LRRC8D: variants seen among roughly 807,000 people sequenced by gnomAD.
LRRC8D encodes the protein volume-regulated anion channel subunit LRRC8D.
LRRC8D carries 20 observed loss-of-function variants against 55.8 expected under a neutral mutation model. That is an observed-to-expected ratio of 0.36 (90% CI 0.25 to 0.52). LRRC8D has a LOEUF of 0.52. LRRC8D is among the 20% of genes least tolerant of loss of function. The pLI, the probability that LRRC8D is intolerant of heterozygous loss-of-function variation, is 0.93. For missense variants in LRRC8D, 651 were observed against 1,030.8 expected, an observed-to-expected ratio of 0.63 and a Z score of 5.05; for synonymous variants, 352 against 377.0, an observed-to-expected ratio of 0.93 and a Z score of 0.77.
intron 2 of LRRC8D, among the ~76,000 whole-genome samples, chr1:89,882,644 C>T (rs141647209): frequency 3.7e-4 from 56 of 152,304 alleles, no homozygotes; most frequent in African/African-American, 1.3e-3. Flanking sequence ...GTATGTCAAA[C>T]TCCAAGTGTT....
At chr1:89,923,555 C>T (rs942683834) in intron 2 of LRRC8D, among the ~76,000 whole-genome samples, 6 of 151,478 alleles carry the variant, frequency 4.0e-5, no homozygotes, top group Non-Finnish European at 5.9e-5. Context: ...CTACCAGTGT[C>T]ATTTTTCACA....
rs2100746188 is a variant in LRRC8D at position 89,843,785 on chromosome 1, G to A, written c.-3+3G>A. 3.0e-6 allele frequency: 2 copies of A among 677,326 alleles called. No homozygotes were observed. Among genetic ancestry groups the A allele is most frequent in the East Asian group, 5.6e-5 (2 of 35,990 alleles). The allele number at this position is 677,326 out of a possible 1,614,324, so 42.0% of individuals were successfully genotyped here. A position where few individuals can be genotyped will look rare whatever the true frequency, so the allele number is the denominator to read the frequency against. On this transcript the variant is annotated splice_donor_region_variant and intron_variant, in intron 2 of 2. Transcript: ENST00000337338. Reference sequence around the variant, plus strand: ...AACAGGGTGGCCGCTTGGTCCAGGTGCGCGGGGTCGGGTCTGGGTCCAGGG... The same window carrying A: ...AACAGGGTGGCCGCTTGGTCCAGGTACGCGGGGTCGGGTCTGGGTCCAGGG...
rs529019846 is a variant in LRRC8D, at chr1:89,909,030, GTGTGTGTC to G, written c.-2-24021_-2-24014del. Among the ~76,000 whole-genome samples, 879 of 152,246 alleles carry G rather than the reference GTGTGTGTC, an allele frequency of 5.8e-3. 7 individuals are homozygous for G. Among genetic ancestry groups the G allele is most frequent in the Middle Eastern group, 0.02 (6 of 294 alleles). On this transcript the variant is annotated intron_variant, in intron 2 of 2. Coordinates refer to ENST00000337338, the MANE Select transcript of LRRC8D (RefSeq NM_001134479.2). ...AAGGAGTGGGTGTGTTTGCGTGTGT[GTGTGTGTC>G]TGTGTGTCTGTGTGTGTGTCTGAAA...
chr1:89,888,369 G>T (rs1662476883), intron 2 of LRRC8D, among the ~76,000 whole-genome samples: 1 of 152,188 alleles, frequency 6.6e-6, no homozygotes, highest in East Asian at 1.9e-4. Flanking sequence ...GGAATGGAAA[G>T]TTATAGATAA....
chr1:89,839,089 A>G (rs1049945200), intron 1 of LRRC8D, among the ~76,000 whole-genome samples: 3 of 152,180 alleles, frequency 2.0e-5, no homozygotes, highest in Non-Finnish European at 1.5e-5. Flanking sequence ...TTTCTATTCA[A>G]TTAAAAGAAG....
intron 2 of LRRC8D, among the ~76,000 whole-genome samples, chr1:89,847,308 C>T (rs1019115399): frequency 3.3e-5 from 5 of 152,104 alleles, no homozygotes; most frequent in Admixed American, 6.5e-5. Context: ...TTGTAGTGGC[C>T]TATAACTTCC....
chr1:89,854,441 A>G (rs753982549), intron 2 of LRRC8D, among the ~76,000 whole-genome samples: 1 of 152,170 alleles, frequency 6.6e-6, no homozygotes, highest in Non-Finnish European at 1.5e-5. Flanking sequence ...ACCTTTTACA[A>G]TAGAACGCAC....
chr1:89,840,700 T>C (rs1304038586), intron 1 of LRRC8D, among the ~76,000 whole-genome samples: 2 of 152,372 alleles, frequency 1.3e-5, no homozygotes, highest in East Asian at 3.9e-4. Flanking sequence ...AATAGTCTAC[T>C]GTTAACTGTT....
At chr1:89,847,245 A>G (rs749889824) in intron 2 of LRRC8D, among the ~76,000 whole-genome samples, 2 of 152,194 alleles carry the variant, frequency 1.3e-5, no homozygotes, top group Admixed American at 6.6e-5. Flanking sequence ...TTGGAGTACA[A>G]TTTTCATAAG....
intron 2 of LRRC8D, among the ~76,000 whole-genome samples, chr1:89,904,170 C>T (rs1045684681): frequency 6.6e-6 from 1 of 152,202 alleles, no homozygotes. Context: ...AAGGATCGTC[C>T]TCACCCTCTC....
intron 2 of LRRC8D, among the ~76,000 whole-genome samples, chr1:89,896,247 G>T (rs1352357142): frequency 6.6e-6 from 1 of 152,144 alleles, no homozygotes; most frequent in Non-Finnish European, 1.5e-5. Context: ...GTGGATGAAG[G>T]TGGTAAAGGA....
intron 1 of LRRC8D, chr1:89,843,282 GA>G (rs1370409266): frequency 5.6e-6 from 1 of 180,162 alleles, no homozygotes; most frequent in Non-Finnish European, 1.2e-5. Flanking sequence ...AAAGAAGGCC[GA>G]TCACACTGGG....
chr1:89,868,903 TG>T (rs1373868149), intron 2 of LRRC8D, among the ~76,000 whole-genome samples: 1 of 152,104 alleles, frequency 6.6e-6, no homozygotes, highest in African/African-American at 2.4e-5. Flanking sequence ...GTTGTTTTTT[TG>T]TTTTGTTTTG....
At chr1:89,923,713 T>C (rs1167368314) in intron 2 of LRRC8D, among the ~76,000 whole-genome samples, 1 of 152,196 alleles carries the variant, frequency 6.6e-6, no homozygotes, top group Non-Finnish European at 1.5e-5. Flanking sequence ...CAAAACAGCA[T>C]GGTACTGATA....
intron 1 of LRRC8D, among the ~76,000 whole-genome samples, chr1:89,821,581 T>C (rs187079850): frequency 1.3e-5 from 2 of 152,232 alleles, no homozygotes; most frequent in African/African-American, 4.8e-5. Context: ...GGAGTGCGGC[T>C]TCCTGGCTCC....
At chr1:89,833,502 A>G (rs1660933370) in intron 1 of LRRC8D, among the ~76,000 whole-genome samples, 1 of 152,114 alleles carries the variant, frequency 6.6e-6, no homozygotes. Context: ...GCTTTTTGCA[A>G]CCTATTTGGA....
intron 1 of LRRC8D, among the ~76,000 whole-genome samples, chr1:89,828,833 A>G (rs964508068): frequency 6.6e-6 from 1 of 152,134 alleles, no homozygotes; most frequent in Non-Finnish European, 1.5e-5. Flanking sequence ...CACTTCCCCA[A>G]CAATGCATAA....
At chr1:89,864,646 G>T (rs952341956) in intron 2 of LRRC8D, among the ~76,000 whole-genome samples, 2 of 152,032 alleles carry the variant, frequency 1.3e-5, no homozygotes, top group African/African-American at 4.8e-5. Context: ...GGAACCTTAT[G>T]TCAGTGACCT....
At chr1:89,922,491 T>C (rs572202557) in intron 2 of LRRC8D, among the ~76,000 whole-genome samples, 4 of 152,396 alleles carry the variant, frequency 2.6e-5, no homozygotes, top group Admixed American at 2.0e-4. Context: ...ATTCAACGAA[T>C]TGGTCTAGTC....
Sources: allele counts gnomAD v4.1 joint callset (sites outside exome capture counted in the v4.1 genomes callset), GRCh38; gene constraint gnomAD v4.1.1; transcripts MANE v1.5; gene names NCBI Gene and HGNC (gene_info 2026-07-23, HGNC 2026-07-21).